The following SLC5A4 variants were observed in gnomAD, a reference collection of about 807,000 sequenced individuals.
The protein encoded by SLC5A4 is solute carrier family 5 member 4.
SLC5A4 carries 55 observed loss-of-function variants against 70.3 expected under a neutral mutation model. The ratio of observed to expected loss-of-function variants is 0.78; its 90% CI spans 0.63 to 0.98. The LOEUF (loss-of-function observed/expected upper bound fraction) is 0.98, where lower values mean the gene tolerates loss of function less well. Ranked by LOEUF, SLC5A4 falls within the 50% of genes least tolerant of loss-of-function variation. SLC5A4 has a pLI of 0.00. For synonymous variants in SLC5A4, 268 were observed against 305.7 expected (o/e 0.88, Z 1.29); for missense variants, 735 against 839.2 (o/e 0.88, Z 1.53).
chr22:32,276,224 A>G, the SLC5A4 span, among the ~76,000 whole-genome samples: 3 of 152,224 alleles, frequency 2.0e-5, no homozygotes, highest in Non-Finnish European at 4.4e-5. Flanking sequence ...TAATCTTCCT[A>G]TAGGACTTTA....
the SLC5A4 span, among the ~76,000 whole-genome samples, chr22:32,292,342 T>C: frequency 3.5e-5 from 5 of 144,150 alleles, no homozygotes; most frequent in Non-Finnish European, 1.5e-5. Context: ...TATGGAACTA[T>C]AGGAATTTTC....
At chr22:32,352,461 A>G in the SLC5A4 span, among the ~76,000 whole-genome samples, 15 of 151,936 alleles carry the variant, frequency 9.9e-5, no homozygotes, top group African/African-American at 3.4e-4. Flanking sequence ...AAAATGATAC[A>G]CAAATAGTTA....
At chr22:32,267,966 T>C in the SLC5A4 span, among the ~76,000 whole-genome samples, 1 of 151,880 alleles carries the variant, frequency 6.6e-6, no homozygotes, top group Non-Finnish European at 1.5e-5. Flanking sequence ...CTACTAAAAA[T>C]ACAAAAAATT....
At chr22:32,284,142 G>A in the SLC5A4 span, among the ~76,000 whole-genome samples, 1 of 152,146 alleles carries the variant, frequency 6.6e-6, no homozygotes, top group South Asian at 2.1e-4. Flanking sequence ...ATGTGTGGGA[G>A]GGAGAAAAGG....
chr22:32,307,264 CTAAT>C, the SLC5A4 span, among the ~76,000 whole-genome samples: 2 of 152,178 alleles, frequency 1.3e-5, no homozygotes, highest in African/African-American at 2.4e-5. Context: ...TACAGAGTAA[CTAAT>C]AGTCAAATCT....
the SLC5A4 span, among the ~76,000 whole-genome samples, chr22:32,323,553 G>A: frequency 0.22 from 33,547 of 152,174 alleles, 3,785 homozygotes; most frequent in Admixed American, 0.25. Context: ...TCAGTCTCTG[G>A]CCTTGGAGAC....
chr22:32,325,017 G>C, the SLC5A4 span, among the ~76,000 whole-genome samples: 2 of 152,248 alleles, frequency 1.3e-5, no homozygotes, highest in South Asian at 4.1e-4. Flanking sequence ...CTGCCACGGA[G>C]AGCACTCGCC....
the SLC5A4 span, among the ~76,000 whole-genome samples, chr22:32,263,671 C>T: frequency 6.6e-6 from 1 of 152,210 alleles, no homozygotes; most frequent in Admixed American, 6.5e-5. Flanking sequence ...ACCAGAAATA[C>T]TATTTGACCC....
At chr22:32,271,005 C>G in the SLC5A4 span, 1 of 528,888 alleles carries the variant, frequency 1.9e-6, no homozygotes. Context: ...AGCCTGGGCT[C>G]GGAGACTAGC....
chr22:32,279,272 T>C, the SLC5A4 span, among the ~76,000 whole-genome samples: 1 of 152,188 alleles, frequency 6.6e-6, no homozygotes, highest in Non-Finnish European at 1.5e-5. Flanking sequence ...TGAGACTCCG[T>C]CTCAAAAAAC....
chr22:32,227,859 C>T (rs767413209), intron 11 of SLC5A4, among the ~76,000 whole-genome samples: 11 of 152,000 alleles, frequency 7.2e-5, no homozygotes, highest in Non-Finnish European at 1.3e-4. Context: ...CGCTTGAACT[C>T]GGGAGGCTGA....
At chr22:32,328,362 A>G in the SLC5A4 span, among the ~76,000 whole-genome samples, 1 of 152,162 alleles carries the variant, frequency 6.6e-6, no homozygotes, top group Non-Finnish European at 1.5e-5. Context: ...GCTTGTAACA[A>G]ATGGATAGAA....
At chr22:32,248,491 G>A (rs1041095297) in intron 4 of SLC5A4, among the ~76,000 whole-genome samples, 5 of 151,992 alleles carry the variant, frequency 3.3e-5, no homozygotes, top group African/African-American at 9.7e-5. Flanking sequence ...CCTGTTGACC[G>A]ACTTCTCTTC....
At chr22:32,238,729 T>G (rs1413074897) in intron 6 of SLC5A4, among the ~76,000 whole-genome samples, 1 of 152,190 alleles carries the variant, frequency 6.6e-6, no homozygotes, top group African/African-American at 2.4e-5. Flanking sequence ...ACCAAACATA[T>G]AGCTGAACCA....
chr22:32,297,335 G>C, the SLC5A4 span, among the ~76,000 whole-genome samples: 168 of 151,292 alleles, frequency 1.1e-3, 1 homozygote, highest in African/African-American at 4.0e-3. Flanking sequence ...TTCAGCTCCT[G>C]TTATTGGTCT....
intron 3 of SLC5A4, among the ~76,000 whole-genome samples, chr22:32,249,039 T>C (rs1208613660): frequency 3.9e-5 from 6 of 152,162 alleles, no homozygotes; most frequent in Admixed American, 2.6e-4. Flanking sequence ...AGATAAGGGA[T>C]CTGATCCCAG....
intron 11 of SLC5A4, among the ~76,000 whole-genome samples, chr22:32,226,838 C>T (rs776769305): frequency 1.3e-5 from 2 of 152,120 alleles, no homozygotes; most frequent in Non-Finnish European, 2.9e-5. Context: ...CTTCACTCTC[C>T]CACTGGCTTC....
the SLC5A4 span, among the ~76,000 whole-genome samples, chr22:32,301,845 A>T: frequency 7.3e-5 from 3 of 40,842 alleles, no homozygotes; most frequent in Non-Finnish European, 1.7e-4. Flanking sequence ...TAAAGTACAA[A>T]AAAAAAAAAA....
At chr22:32,317,882 T>C in the SLC5A4 span, among the ~76,000 whole-genome samples, 1 of 152,198 alleles carries the variant, frequency 6.6e-6, no homozygotes, top group East Asian at 1.9e-4. Flanking sequence ...CTCTGCACTT[T>C]TGCTCTCCAG....
Sources: allele counts gnomAD v4.1 joint callset (sites outside exome capture counted in the v4.1 genomes callset), GRCh38; gene constraint gnomAD v4.1.1; transcripts MANE v1.5; gene names NCBI Gene and HGNC (gene_info 2026-07-23, HGNC 2026-07-21).